The following CCDC51 variants were observed in gnomAD, a reference collection of about 807,000 sequenced individuals.
CCDC51 encodes the protein coiled-coil domain containing 51, also known as mitochondrial potassium channel.
CCDC51 carries 25 observed loss-of-function variants against 24.8 expected under a neutral mutation model. That is an observed-to-expected ratio of 1.01 (90% CI 0.73 to 1.41). CCDC51 has a LOEUF of 1.41. Among genes scored for constraint, CCDC51 ranks in the 40% most tolerant of loss-of-function variants. The pLI is 0.00. For synonymous variants in CCDC51, 190 were observed against 204.3 expected (o/e 0.93, Z 0.60); for missense variants, 466 against 519.1 (o/e 0.90, Z 0.99).
rs1266430087 is a variant in CCDC51 at position 48,440,011 on chromosome 3, G to C, written c.-32C>G. On this transcript the variant is annotated 5_prime_UTR_variant, in exon 1 of 4. Coordinates refer to ENST00000395694, the MANE Select transcript of CCDC51 (RefSeq NM_001256964.2). The stretch of plus-strand genomic sequence containing the variant: ...ACCTGCAGTGCTCTTCCCGCGCACG[G>C]CCACAGGCCTGGTAGGCCGTCCGGT... 4 of 504,306 alleles carry C rather than the reference G, an allele frequency of 7.9e-6. No homozygotes were observed. The highest frequency in any genetic ancestry group is 7.8e-5 in the African/African-American group (4 of 51,472). 31.2% of individuals were successfully genotyped at this position (504,306 alleles called of 1,614,324 possible).
rs753420209 is a variant in CCDC51 at position 48,433,898 on chromosome 3, T to G, written c.313-27A>C. 1.1e-5 allele frequency: 17 copies of G among 1,605,562 alleles called. No individual in the cohort carries two copies. The highest frequency in any genetic ancestry group is 1.4e-5 in the Non-Finnish European group (17 of 1,175,218). On this transcript the variant is annotated intron_variant, in intron 2 of 3. Coordinates refer to ENST00000395694, the MANE Select transcript of CCDC51 (RefSeq NM_001256964.2). This position sits in a 1 kb window ranked among gnomAD's most constrained non-coding sequence, Gnocchi z 4.4. ...TGCAAAGAGAAAACCGGAGGCCATC[T>G]GCACCTTCTCTCCACACCCACACAG...
chr3:48,438,428 GA>G (rs1387628406), intron 1 of CCDC51, among the ~76,000 whole-genome samples: 1 of 152,006 alleles, frequency 6.6e-6, no homozygotes, highest in Non-Finnish European at 1.5e-5. Context: ...ATCTCTGCCT[GA>G]AAATCTAATG....
At chr3:48,444,216 C>T (rs552489990), upstream of CCDC51, 5 of 203,420 alleles carry the variant, frequency 2.5e-5, no homozygotes, top group South Asian at 6.6e-4. Context: ...GGATGGCGTT[C>T]TTGTGTGGTT....
At chr3:48,436,799 C>T (rs1018345648) in intron 1 of CCDC51, among the ~76,000 whole-genome samples, 7 of 152,320 alleles carry the variant, frequency 4.6e-5, no homozygotes, top group Admixed American at 2.6e-4. Context: ...ATTTTTAGAC[C>T]CCAGCAAAGT....
rs2039250125 is a variant in CCDC51 at position 48,433,417 on chromosome 3, C to T, written c.478-251G>A. Among the ~76,000 whole-genome samples, 1 of 152,228 alleles carries T rather than the reference C, an allele frequency of 6.6e-6. No homozygotes were observed. The highest frequency in any genetic ancestry group is 6.5e-5 in the Admixed American group (1 of 15,290). On this transcript the variant is annotated intron_variant, in intron 3 of 3. Transcript: ENST00000395694. This position sits in a 1 kb window ranked among gnomAD's most constrained non-coding sequence, Gnocchi z 4.4. Reference sequence around the variant, plus strand: ...GACCAGAGGTGCACTTATGTCTACACAAAGGGAAGTGTCCAGCACTCCCTA... The same window carrying T: ...GACCAGAGGTGCACTTATGTCTACATAAAGGGAAGTGTCCAGCACTCCCTA...
Position 48,434,812 on chromosome 3 carries a change from C to A in CCDC51, c.312+5G>T. 6.3e-7 allele frequency: 1 copy of A among 1,585,782 alleles called. No homozygotes were observed. The highest frequency in any genetic ancestry group is 8.6e-7 in the Non-Finnish European group (1 of 1,162,614). On this transcript the variant is annotated splice_donor_5th_base_variant and intron_variant, in intron 2 of 3. Coordinates refer to ENST00000395694, the MANE Select transcript of CCDC51 (RefSeq NM_001256964.2). ...GGGGCCAGCCACCCCAGCTCCCCTC[C>A]TCACCTCTGTCACCTTTCCCTGGGC... is the stretch of plus-strand genomic sequence containing the variant.
upstream of CCDC51, chr3:48,443,996 G>A: frequency 1.1e-5 from 8 of 758,610 alleles, no homozygotes; most frequent in Non-Finnish European, 1.3e-5. Context: ...GTGTTGTCTT[G>A]GAGCTGTTGT....
At position 48,433,775 on chromosome 3, in the gene CCDC51, A is replaced by G. The variant is rs370602856; in HGVS notation, c.409T>C (p.Leu137=). ...CTGTCCTCCCTGGAGACACGGTCCAAGCGGTCCCTCACCTCCTTCAGCTTG... is the reference window on the plus strand; with the variant it reads ...CTGTCCTCCCTGGAGACACGGTCCAGGCGGTCCCTCACCTCCTTCAGCTTG... ...QAKLKEVRDR[L]DRVSREDSQY... Residue 137 remains leucine, a synonymous_variant, in exon 3 of 4, where the codon TTG becomes CTG. Transcript: ENST00000395694. The surrounding 1 kb of genome is among the most constrained non-coding windows in gnomAD (Gnocchi z 4.4). The G allele has an allele frequency of 4.3e-6, 7 of 1,613,962 alleles. No homozygotes were observed. The African/African-American group carries it at 8.0e-5, about 18-fold the overall frequency.
upstream of CCDC51, chr3:48,440,672 A>G: frequency 6.4e-7 from 1 of 1,570,784 alleles, no homozygotes. Context: ...AAACGCTATG[A>G]GCACCTATTG....
upstream of CCDC51, among the ~76,000 whole-genome samples, chr3:48,443,564 T>G (rs758395074): frequency 6.6e-6 from 1 of 152,054 alleles, no homozygotes; most frequent in East Asian, 1.9e-4. Context: ...CTTCTTTTTC[T>G]GTAAAATGGG....
At chr3:48,436,340 C>G (rs2039351091) in intron 1 of CCDC51, among the ~76,000 whole-genome samples, 1 of 152,228 alleles carries the variant, frequency 6.6e-6, no homozygotes, top group Non-Finnish European at 1.5e-5. Flanking sequence ...CCCTAGCCTC[C>G]TCTCCATCAT....
At chr3:48,438,389 A>G (rs2039427938) in intron 1 of CCDC51, among the ~76,000 whole-genome samples, 1 of 151,936 alleles carries the variant, frequency 6.6e-6, no homozygotes, top group Non-Finnish European at 1.5e-5. Context: ...CCAGGGTTCT[A>G]GGCTCATTTA....
intron 1 of CCDC51, among the ~76,000 whole-genome samples, chr3:48,439,785 A>T (rs889865512): frequency 3.9e-5 from 6 of 152,258 alleles, no homozygotes; most frequent in Non-Finnish European, 7.3e-5. Flanking sequence ...ATGAACAAAC[A>T]GAATTCGCAA....
At chr3:48,440,428 G>A (rs775944077), upstream of CCDC51, 5 of 1,612,410 alleles carry the variant, frequency 3.1e-6, no homozygotes, top group Admixed American at 1.7e-5. Flanking sequence ...CACTGAAACA[G>A]CCCAAGAAGC....
upstream of CCDC51, chr3:48,444,920 CCTG>C (rs2039639240): frequency 6.6e-6 from 1 of 152,302 alleles, no homozygotes; most frequent in African/African-American, 2.4e-5. Flanking sequence ...CACTCTACCT[CCTG>C]CTGCCCAGGA....
chr3:48,432,406 G>GGTTA lies in CCDC51; in HGVS notation c.1234_*1dup. On this transcript the variant is annotated 3_prime_UTR_variant, in exon 4 of 4. Coordinates refer to ENST00000395694, the MANE Select transcript of CCDC51 (RefSeq NM_001256964.2). The stretch of plus-strand genomic sequence containing the variant: ...CAGACCCTCTGGAGGAGGGGCCAGG[G>GGTTA]GTTAGCTGGCTTTGAATAGCATGTA... 6.2e-7 allele frequency: 1 copy of GGTTA among 1,613,842 alleles called. No homozygotes were observed. Among genetic ancestry groups the GGTTA allele is most frequent in the Non-Finnish European group, 8.5e-7 (1 of 1,179,744 alleles).
chr3:48,440,763 C>A, upstream of CCDC51: 1 of 783,364 alleles, frequency 1.3e-6, no homozygotes, highest in Non-Finnish European at 2.1e-6. Context: ...AGCGAATGGT[C>A]TCTAGCCAGT....
At chr3:48,442,377 GATTTTT>G, upstream of CCDC51, among the ~76,000 whole-genome samples, 1 of 150,134 alleles carries the variant, frequency 6.7e-6, no homozygotes, top group South Asian at 2.1e-4. Context: ...AGCATCATCT[GATTTTT>G]ATTTTAAGGT....
chr3:48,433,990 A>T lies in CCDC51; in HGVS notation c.313-119T>A. On this transcript the variant is annotated intron_variant, in intron 2 of 3. Transcript: ENST00000395694. This position sits in a 1 kb window ranked among gnomAD's most constrained non-coding sequence, Gnocchi z 4.4. ...CTGGGGTGTGAGCTGCAAAGGGTGG[A>T]AACGGAATTCCTTAGACACTAATCC... 6.8e-7 allele frequency: 1 copy of T among 1,481,270 alleles called. No homozygotes were observed. The highest frequency in any genetic ancestry group is 1.4e-5 in the African/African-American group (1 of 70,942). 91.8% of individuals were successfully genotyped at this position (1,481,270 alleles called of 1,614,324 possible).
Sources: gnomAD v4.1 joint callset for allele counts (sites outside exome capture counted in the v4.1 genomes callset) on GRCh38, gnomAD v4.1.1 for gene constraint, Gnocchi (gnomAD v3.1) non-coding constraint, MANE v1.5 for transcripts, NCBI Gene and HGNC (gene_info 2026-07-23, HGNC 2026-07-21) for gene names.